CDCP1: variants seen among roughly 807,000 people sequenced by gnomAD.
The protein encoded by CDCP1 is CUB domain-containing protein 1.
A neutral mutation model predicts 60.2 loss-of-function variants in CDCP1; 29 were observed. That is an observed-to-expected ratio of 0.48 (90% confidence interval 0.36 to 0.66). The LOEUF (loss-of-function observed/expected upper bound fraction) is 0.66. Among genes scored for constraint, CDCP1 ranks in the 30% least tolerant of loss-of-function variants. The pLI is 0.00. For synonymous variants in CDCP1, 387 were observed against 431.1 expected (o/e 0.90, Z 1.27); for missense variants, 876 against 1,074.3 (o/e 0.82, Z 2.58).
intron 4 of CDCP1, among the ~76,000 whole-genome samples, chr3:45,103,316 G>A (rs949960371): frequency 1.2e-4 from 18 of 152,056 alleles, no homozygotes; most frequent in Non-Finnish European, 2.4e-4. Flanking sequence ...GGTATCAGTC[G>A]TTCTTTCCCT....
chr3:45,138,860 A>AAGAAAGAAAAG (rs1253064600), intron 1 of CDCP1, among the ~76,000 whole-genome samples: 1 of 152,152 alleles, frequency 6.6e-6, no homozygotes, highest in Admixed American at 6.5e-5. Flanking sequence ...GAAAAAAAAG[A>AAGAAAGAAAAG]AGAAAGAAAA....
chr3:45,116,414 TA>T (rs5848727), intron 2 of CDCP1, among the ~76,000 whole-genome samples: 91 of 142,470 alleles, frequency 6.4e-4, no homozygotes, highest in East Asian at 4.1e-3. Context: ...AGTGTTCCGT[TA>T]AAAAAAAAAA....
In CDCP1 at chr3:45,093,279, T is replaced by A. The variant is rs2125990455; in HGVS notation, c.1625A>T (p.Lys542Ile). 6.2e-7 allele frequency: 1 copy of A among 1,612,464 alleles called. No individual in the cohort carries two copies. The highest frequency in any genetic ancestry group is 1.7e-4 in the Middle Eastern group (1 of 6,046). ...GAGATAGGGGAGACCCCCCTTACCT[T>A]TGAAATAAGGTATAAAGGACACCGT... ...GLTVSFIPYF[K>I]EEGVFTVTPD... is the part of the protein sequence containing the mutation. The change falls in exon 6 of 9, where the codon AAA becomes ATA. Residue 542 changes from lysine to isoleucine, a missense_variant and splice_region_variant. Around this residue, in one of 2 missense-constraint regions of CDCP1, gnomAD observed 726 missense variants for 935.7 expected, o/e 0.78. Transcript: ENST00000296129.
chr3:45,091,315 C>T lies in CDCP1; in HGVS notation c.1851G>A (p.Glu617=). ...GCACATCCTCGTCCAGGCTGAAGAT[C>T]TCCTCAGCCCGGGTCCGCTGCTCCT... The part of the protein sequence containing the change: ...IIQEQRTRAE[E]IFSLDEDVLP... Residue 617 remains glutamate, a synonymous_variant, in exon 7 of 9, where the codon GAG becomes GAA. Coordinates refer to ENST00000296129, the MANE Select transcript of CDCP1 (RefSeq NM_022842.5). This position sits in a 1 kb window ranked among gnomAD's most constrained non-coding sequence, Gnocchi z 4.8. 1.2e-6 allele frequency: 2 copies of T among 1,614,140 alleles called. No homozygotes were observed. The highest frequency in any genetic ancestry group is 1.7e-6 in the Non-Finnish European group (2 of 1,180,038).
chr3:45,134,751 C>G (rs767363821), intron 1 of CDCP1, among the ~76,000 whole-genome samples: 2 of 152,122 alleles, frequency 1.3e-5, no homozygotes, highest in Non-Finnish European at 2.9e-5. Context: ...CCAGGATAAA[C>G]AGATCAGCAA....
chr3:45,146,355 C>A lies in CDCP1; in HGVS notation c.-68G>T. The A allele has an allele frequency of 7.2e-7, 1 of 1,380,616 alleles. No homozygotes were observed. 85.5% of individuals were successfully genotyped at this position (1,380,616 alleles called of 1,614,324 possible). ...GGAGCGGCGGCCCCAGGCGCCCAAG[C>A]CCGGCGCAGCTGCGCTCCGCCCTGG... On this transcript the variant is annotated 5_prime_UTR_variant, in exon 1 of 9. Transcript: ENST00000296129.
intron 1 of CDCP1, chr3:45,139,498 C>T (rs1699247056): frequency 1.3e-5 from 2 of 152,420 alleles, no homozygotes; most frequent in Admixed American, 1.3e-4. Flanking sequence ...TCTCTGCCCT[C>T]CTCCCTCCAC....
At chr3:45,110,992 G>T in intron 3 of CDCP1, 151 bp from the exon 4 acceptor site, 2 of 885,236 alleles carry the variant, frequency 2.3e-6, no homozygotes, top group Non-Finnish European at 3.4e-6. Context: ...TGGACTCAAG[G>T]CAGAGATTGG....
intron 7 of CDCP1, among the ~76,000 whole-genome samples, chr3:45,090,912 G>A (rs1409957548): frequency 6.6e-6 from 1 of 152,170 alleles, no homozygotes; most frequent in Non-Finnish European, 1.5e-5. Flanking sequence ...GCTGCCAGTA[G>A]GTGCATGAAT....
At chr3:45,097,023 C>T (rs17077267) in intron 4 of CDCP1, among the ~76,000 whole-genome samples, 22,750 of 152,078 alleles carry the variant, frequency 0.15, 1,901 homozygotes, top group African/African-American at 0.2. Flanking sequence ...AATAAATGAA[C>T]AGTGCCAGGC....
In CDCP1 at chr3:45,110,623, G is replaced by A; in HGVS notation, c.874C>T (p.Pro292Ser). Residue 292 changes from proline to serine, a missense_variant, in exon 4 of 9, where the codon CCC becomes TCC. Pro to Ser is a moderately conservative substitution (Grantham distance 74, BLOSUM62 -1). Coordinates refer to ENST00000296129, the MANE Select transcript of CDCP1 (RefSeq NM_022842.5). ...EYYIPGSTTN[P>S]EVFKLEDKQP... Reference sequence around the variant, plus strand: ...TTGTCCTCCAGCTTGAACACCTCGGGGTTGGTGGTGGAGCCCGGGATGTAG... The same window carrying A: ...TTGTCCTCCAGCTTGAACACCTCGGAGTTGGTGGTGGAGCCCGGGATGTAG... 1 of 1,614,178 alleles carries A rather than the reference G, an allele frequency of 6.2e-7. No homozygotes were observed. Among genetic ancestry groups the A allele is most frequent in the East Asian group, 2.2e-5 (1 of 44,884 alleles).
At chr3:45,113,342 T>TA (rs2125998262) in intron 2 of CDCP1, among the ~76,000 whole-genome samples, 1 of 152,332 alleles carries the variant, frequency 6.6e-6, no homozygotes, top group African/African-American at 2.4e-5. Flanking sequence ...CATCCTTTGA[T>TA]ATATTTGTTT....
chr3:45,088,666 T>C (rs6784502), intron 8 of CDCP1, among the ~76,000 whole-genome samples: 124,488 of 152,066 alleles, frequency 0.82, 52,339 homozygotes, highest in East Asian at 0.97. Context: ...ACAACACACA[T>C]TCGTTCTCCT....
Position 45,085,841 on chromosome 3 carries a change from C to T in CDCP1, c.2308G>A (p.Gly770Arg), listed in dbSNP as rs760338935. The T allele has an allele frequency of 2.5e-6, 4 of 1,614,104 alleles. No individual in the cohort carries two copies. In the East Asian group the frequency reaches 8.9e-5, roughly 36 times the overall value. ...DTYRPFQGTM[G>R]VCPPSPPTIC... ...GTGGGTGGGGAGGGAGGACAGACCC[C>T]CATGGTGCCCTGGAACGGCCGGTAG... is the stretch of plus-strand genomic sequence containing the variant. Residue 770 changes from glycine to arginine, a missense_variant, in exon 9 of 9, where the codon GGG (glycine) becomes AGG (arginine). This residue lies in a region of CDCP1 where 726 missense variants were observed against 935.7 expected (regional missense o/e 0.78). Coordinates refer to ENST00000296129, the MANE Select transcript of CDCP1 (RefSeq NM_022842.5). This position sits in a 1 kb window ranked among gnomAD's most constrained non-coding sequence, Gnocchi z 4.2.
Position 45,093,657 on chromosome 3 carries a change from C to T in CDCP1, c.1247G>A (p.Ser416Asn), listed in dbSNP as rs758922317. The T allele has an allele frequency of 6.2e-7, 1 of 1,604,760 alleles. No individual in the cohort carries two copies. The highest frequency in any genetic ancestry group is 8.5e-7 in the Non-Finnish European group (1 of 1,173,430). The stretch of plus-strand genomic sequence containing the variant: ...TTGGCAGTACCGGTGGTCTGTGCAG[C>T]CTGGAAGAAGTGGGGCATGCTAGCC... ...RLWMNVEKTISCTDHRYCQRK... is the reference protein window; with the variant it reads ...RLWMNVEKTINCTDHRYCQRK... Residue 416 changes from serine (S) to asparagine (N), a missense_variant and splice_region_variant, in exon 6 of 9, where the codon AGC becomes AAC. By Grantham distance (46) the Ser-to-Asn change is conservative (BLOSUM62 1). Transcript: ENST00000296129.
At chr3:45,118,348 ACAGT>A (rs1310718039) in intron 2 of CDCP1, 60 bp downstream of exon 2, 9 of 1,171,582 alleles carry the variant, frequency 7.7e-6, no homozygotes, top group East Asian at 2.3e-5. Context: ...CATGGGAAAG[ACAGT>A]CAGGGAGGTG....
intron 2 of CDCP1, among the ~76,000 whole-genome samples, chr3:45,117,643 C>T (rs1698815713): frequency 6.7e-6 from 1 of 150,342 alleles, no homozygotes; most frequent in African/African-American, 2.5e-5. Context: ...GTCACCCAGG[C>T]TGGAGTGCAG....
At chr3:45,121,600 A>C (rs1176398502) in intron 1 of CDCP1, among the ~76,000 whole-genome samples, 1 of 152,126 alleles carries the variant, frequency 6.6e-6, no homozygotes, top group Non-Finnish European at 1.5e-5. Context: ...CTTTATTTAA[A>C]AATTCCTGCC....
chr3:45,095,051 A>G (rs1698373226), intron 5 of CDCP1, among the ~76,000 whole-genome samples: 1 of 150,958 alleles, frequency 6.6e-6, no homozygotes, highest in African/African-American at 2.4e-5. Context: ...CTCCTGCTTC[A>G]GCCTTCTGAG....
Sources: allele counts gnomAD v4.1 joint callset (sites outside exome capture counted in the v4.1 genomes callset), GRCh38; gene constraint gnomAD v4.1.1; regional missense constraint gnomAD v4.1.1; non-coding constraint Gnocchi (gnomAD v3.1); transcripts MANE v1.5; gene names NCBI Gene and HGNC (gene_info 2026-07-23, HGNC 2026-07-21).